The following MYO18B variants were observed in gnomAD, a reference collection of about 807,000 sequenced individuals.
MYO18B encodes unconventional myosin-XVIIIb.
Under a neutral mutation model 273.0 loss-of-function variants are expected in MYO18B, and 204 were observed. The ratio of observed to expected loss-of-function variants is 0.75; its 90% CI spans 0.67 to 0.84. The LOEUF (loss-of-function observed/expected upper bound fraction) is 0.84. MYO18B is among the 40% of genes least tolerant of loss of function. The pLI, the probability that MYO18B is intolerant of heterozygous loss-of-function variation, is 0.00. For missense variants in MYO18B, 3,212 were observed against 3,287.6 expected, an observed-to-expected ratio of 0.98 and a Z score of 0.56; for synonymous variants, 1,330 against 1,305.7, an observed-to-expected ratio of 1.02 and a Z score of -0.40.
intron 42 of MYO18B, among the ~76,000 whole-genome samples, chr22:26,024,890 G>C (rs1601860328): frequency 6.6e-6 from 1 of 152,182 alleles, no homozygotes; most frequent in East Asian, 1.9e-4. Flanking sequence ...ATTTCTCATA[G>C]TTCTAGAGGC....
chr22:26,045,553 A>G, the MYO18B span, among the ~76,000 whole-genome samples: 2 of 152,152 alleles, frequency 1.3e-5, no homozygotes, highest in Admixed American at 6.5e-5. Context: ...AAACTTTCCT[A>G]TATAGGAATC....
At chr22:26,002,033 A>G in intron 40 of MYO18B, among the ~76,000 whole-genome samples, 1 of 152,214 alleles carries the variant, frequency 6.6e-6, no homozygotes, top group Non-Finnish European at 1.5e-5. Flanking sequence ...CCTGTACAGA[A>G]ACATATTCCC....
chr22:25,850,712 C>T (rs2146041860), intron 20 of MYO18B, among the ~76,000 whole-genome samples: 2 of 152,282 alleles, frequency 1.3e-5, no homozygotes, highest in Middle Eastern at 6.8e-3. Flanking sequence ...GCTGCGACTA[C>T]AGGAACGCAC....
At chr22:25,867,168 ATACAGTTCAGTGACAG>A (rs2090912248) in intron 21 of MYO18B, among the ~76,000 whole-genome samples, 1 of 151,744 alleles carries the variant, frequency 6.6e-6, no homozygotes, top group Non-Finnish European at 1.5e-5. Context: ...CATTTTAAGC[ATACAGTTCAGTGACAG>A]TATATTCTCA....
At chr22:25,870,609 G>A (rs993183204) in intron 22 of MYO18B, among the ~76,000 whole-genome samples, 2 of 152,132 alleles carry the variant, frequency 1.3e-5, no homozygotes, top group Non-Finnish European at 2.9e-5. Flanking sequence ...GGATCTTTAC[G>A]GTCCTGAATC....
chr22:25,912,554 A>C (rs1185074437), intron 33 of MYO18B, among the ~76,000 whole-genome samples: 1 of 152,256 alleles, frequency 6.6e-6, no homozygotes, highest in Admixed American at 6.5e-5. Context: ...ATAAATTAGC[A>C]CTTTTGATGA....
At chr22:26,048,766 G>A in the MYO18B span, among the ~76,000 whole-genome samples, 6 of 152,128 alleles carry the variant, frequency 3.9e-5, no homozygotes, top group Admixed American at 6.5e-5. Flanking sequence ...GCATGCATGC[G>A]TCTTTATGAC....
chr22:25,905,186 G>A (rs2092017688), intron 31 of MYO18B, among the ~76,000 whole-genome samples: 1 of 152,182 alleles, frequency 6.6e-6, no homozygotes, highest in Admixed American at 6.5e-5. Flanking sequence ...GGGGGAACCA[G>A]GGGTCAGCTC....
At chr22:25,794,363 T>C (rs760304142) in intron 11 of MYO18B, among the ~76,000 whole-genome samples, 2 of 151,424 alleles carry the variant, frequency 1.3e-5, no homozygotes, top group Non-Finnish European at 2.9e-5. Context: ...CATGCCACCA[T>C]GCCTGGCAGA....
intron 12 of MYO18B, among the ~76,000 whole-genome samples, chr22:25,804,280 C>T (rs2088362732): frequency 6.6e-6 from 1 of 152,206 alleles, no homozygotes; most frequent in African/African-American, 2.4e-5. Flanking sequence ...GTCCCCATGC[C>T]TGCCCAGGTT....
chr22:26,056,156 A>T, the MYO18B span, among the ~76,000 whole-genome samples: 1 of 152,216 alleles, frequency 6.6e-6, no homozygotes, highest in Admixed American at 6.5e-5. Flanking sequence ...AGATTTATCC[A>T]AAGTGTATTC....
At chr22:25,856,128 CA>C (rs1267623573) in intron 21 of MYO18B, among the ~76,000 whole-genome samples, 1 of 152,146 alleles carries the variant, frequency 6.6e-6, no homozygotes, top group African/African-American at 2.4e-5. Context: ...TTTTTTATAG[CA>C]GCTGTACCAT....
At chr22:25,931,220 T>G (rs1365879953) in intron 34 of MYO18B, among the ~76,000 whole-genome samples, 2 of 152,204 alleles carry the variant, frequency 1.3e-5, no homozygotes, top group African/African-American at 4.8e-5. Flanking sequence ...GAATTGTAAT[T>G]GGTTAAAAAC....
At chr22:25,947,610 C>A (rs1252060002) in intron 35 of MYO18B, 102 bp from the exon 36 acceptor site, 2 of 763,236 alleles carry the variant, frequency 2.6e-6, no homozygotes, top group Admixed American at 2.2e-5. Flanking sequence ...GGTCACTCAC[C>A]TCACACACCT....
chr22:26,025,318 T>C (rs1936157725), intron 42 of MYO18B, among the ~76,000 whole-genome samples: 2 of 152,190 alleles, frequency 1.3e-5, no homozygotes. Flanking sequence ...TCTCCTAAAC[T>C]GTCCTGTGTG....
chr22:26,027,149 A>G lies in MYO18B; in HGVS notation c.7175A>G (p.Asp2392Gly). The change falls in exon 43 of 44, where the codon GAC becomes GGC. Residue 2392 changes from aspartate to glycine, a missense_variant. Physicochemically the swap from Asp to Gly is moderately conservative, Grantham distance 94. Coordinates refer to ENST00000335473, the MANE Select transcript of MYO18B (RefSeq NM_032608.7). This position sits in a 1 kb window ranked among gnomAD's most constrained non-coding sequence, Gnocchi z 4.1. ...AGGCGGTGTCTGGAGTCCTCTGTGGACGATGCGGGCTGTCCAGACCTTGGA... is the reference window on the plus strand; with the variant it reads ...AGGCGGTGTCTGGAGTCCTCTGTGGGCGATGCGGGCTGTCCAGACCTTGGA... Reference protein sequence around the residue: ...PRRRCLESSVDDAGCPDLGKE... With the variant: ...PRRRCLESSVGDAGCPDLGKE... 1 of 1,613,898 alleles carries G rather than the reference A, an allele frequency of 6.2e-7. No individual in the cohort carries two copies. Among genetic ancestry groups the G allele is most frequent in the Non-Finnish European group, 8.5e-7 (1 of 1,179,874 alleles).
intron 1 of MYO18B, among the ~76,000 whole-genome samples, chr22:25,759,273 G>C (rs1366926505): frequency 6.6e-6 from 1 of 152,106 alleles, no homozygotes; most frequent in Non-Finnish European, 1.5e-5. Flanking sequence ...CAAAGACTTG[G>C]AACGAACCCC....
At chr22:25,887,747 GCA>G (rs1569154113) in intron 25 of MYO18B, among the ~76,000 whole-genome samples, 4 of 151,908 alleles carry the variant, frequency 2.6e-5, no homozygotes, top group Admixed American at 6.6e-5. Flanking sequence ...AAGGTCAGGG[GCA>G]CCTTGTCTCT....
At chr22:25,862,899 T>A (rs938071906) in intron 21 of MYO18B, among the ~76,000 whole-genome samples, 1 of 152,096 alleles carries the variant, frequency 6.6e-6, no homozygotes, top group Non-Finnish European at 1.5e-5. Context: ...TCATACTTTT[T>A]AAAATCTTTG....
Sources: gnomAD v4.1 joint callset for allele counts (sites outside exome capture counted in the v4.1 genomes callset) on GRCh38, gnomAD v4.1.1 for gene constraint, Gnocchi (gnomAD v3.1) non-coding constraint, MANE v1.5 for transcripts, NCBI Gene and HGNC (gene_info 2026-07-23, HGNC 2026-07-21) for gene names.